The following CLTCL1 variants were observed in gnomAD, a reference collection of about 807,000 sequenced individuals.
CLTCL1 encodes clathrin heavy chain 2.
CLTCL1 carries 159 observed loss-of-function variants against 190.0 expected under a neutral mutation model. The observed-to-expected ratio is 0.84, with a 90% CI of 0.74 to 0.95. The LOEUF (loss-of-function observed/expected upper bound fraction) is 0.95. Ranked by LOEUF, CLTCL1 falls within the 40% of genes least tolerant of loss-of-function variation. The probability of loss-of-function intolerance (pLI) is 0.00; values close to 1 mark genes in which losing one functional copy is unlikely to be tolerated. For synonymous variants in CLTCL1, 752 were observed against 769.6 expected (o/e 0.98, Z 0.38); for missense variants, 1,878 against 2,033.4 (o/e 0.92, Z 1.47).
At position 19,243,697 on chromosome 22, in the gene CLTCL1, CT is replaced by C. The variant is rs1175325908; in HGVS notation, c.520-762del. Among the ~76,000 whole-genome samples, 702 of 107,886 alleles carry C rather than the reference CT, an allele frequency of 6.5e-3. 2 individuals carry two copies. The highest frequency in any genetic ancestry group is 9.0e-3 in the Non-Finnish European group (513 of 56,894). 70.8% of individuals were successfully genotyped at this position (107,886 alleles called of 152,430 possible). Reference sequence around the variant, plus strand: ...GAACTTGTATTTTCTTTCTTTCTTTCTTTTTTTTTTTTTTTTTTGTGATGGA... The same window carrying C: ...GAACTTGTATTTTCTTTCTTTCTTTCTTTTTTTTTTTTTTTTTGTGATGGA... On this transcript the variant is annotated intron_variant, in intron 3 of 32. Transcript: ENST00000427926.
intron 17 of CLTCL1, 70 bp downstream of exon 17, chr22:19,221,307 C>T: frequency 8.1e-7 from 1 of 1,232,524 alleles, no homozygotes. Flanking sequence ...CAGCTCCCCA[C>T]AGGCACACCT....
chr22:19,184,029 G>A (rs868926564), intron 29 of CLTCL1: 3 of 270,576 alleles, frequency 1.1e-5, no homozygotes, highest in Non-Finnish European at 2.2e-5. Flanking sequence ...AAACAGCAAT[G>A]TGTTTTTCTT....
At chr22:19,290,328 C>G (rs2088062705) in intron 1 of CLTCL1, among the ~76,000 whole-genome samples, 2 of 152,214 alleles carry the variant, frequency 1.3e-5, no homozygotes, top group South Asian at 4.1e-4. Flanking sequence ...CAGGATATCA[C>G]TATCTGCCTC....
At chr22:19,208,878 G>GC in intron 21 of CLTCL1, 44 bp downstream of exon 21, 1 of 1,476,700 alleles carries the variant, frequency 6.8e-7, no homozygotes, top group Non-Finnish European at 9.1e-7. Flanking sequence ...GCCAGGTTTT[G>GC]CATCAGTGAG....
At chr22:19,246,602 G>A (rs1230511742) in intron 3 of CLTCL1, among the ~76,000 whole-genome samples, 1 of 151,906 alleles carries the variant, frequency 6.6e-6, no homozygotes, top group South Asian at 2.1e-4. Flanking sequence ...TCAGCCTCCG[G>A]AGTAGCTGGG....
Position 19,291,675 on chromosome 22 carries a change from G to C in CLTCL1, c.-34C>G. 2 of 1,350,952 alleles carry C rather than the reference G, an allele frequency of 1.5e-6. No individual in the cohort carries two copies. The highest frequency in any genetic ancestry group is 1.9e-6 in the Non-Finnish European group (2 of 1,039,792). The allele number at this position is 1,350,952 out of a possible 1,614,324, so 83.7% of individuals were successfully genotyped here. On this transcript the variant is annotated 5_prime_UTR_variant, in exon 1 of 33. Coordinates refer to ENST00000427926, the MANE Select transcript of CLTCL1 (RefSeq NM_007098.4). ...CGGGACCTCGGCGGCGGCGGCGGCA[G>C]CGGCAGGAATGAACGCCGACCCCTC...
At chr22:19,285,508 A>AAG (rs2087875713) in intron 1 of CLTCL1, among the ~76,000 whole-genome samples, 1 of 152,160 alleles carries the variant, frequency 6.6e-6, no homozygotes, top group African/African-American at 2.4e-5. Context: ...ACCAGTGCAC[A>AAG]AGACTCTATA....
intron 11 of CLTCL1, among the ~76,000 whole-genome samples, chr22:19,227,811 T>C (rs1048526661): frequency 2.0e-5 from 3 of 152,168 alleles, no homozygotes; most frequent in Non-Finnish European, 4.4e-5. Flanking sequence ...TTGTCCATGC[T>C]GGTCTCAAAC....
At position 19,232,595 on chromosome 22, in the gene CLTCL1, C is replaced by CG; in HGVS notation, c.1524_1525insC (p.Gly509ArgfsTer39). On this transcript the variant is annotated frameshift_variant, in exon 10 of 33. Transcript: ENST00000427926. LOFTEE classifies it high-confidence loss of function. ...AGAAAGATCCAGTCTGGGGTGTACC[C>CG]AACCTAGAAGCAAGGGAGCACCAAT... 1 of 1,611,584 alleles carries CG rather than the reference C, an allele frequency of 6.2e-7. No individual in the cohort carries two copies. The highest frequency in any genetic ancestry group is 8.5e-7 in the Non-Finnish European group (1 of 1,178,824).
chr22:19,216,063 A>G, intron 19 of CLTCL1, 48 bp downstream of exon 19: 1 of 1,586,692 alleles, frequency 6.3e-7, no homozygotes. Context: ...TATCAAGCAG[A>G]TGTTTTGAAT....
chr22:19,202,387 G>GCCATCCACGGCACCTCCCC (rs2084914622), intron 22 of CLTCL1, among the ~76,000 whole-genome samples: 3 of 20,698 alleles, frequency 1.4e-4, no homozygotes, highest in African/African-American at 3.7e-4. Context: ...AGCACCTCCC[G>GCCATCCACGGCACCTCCCC]CACCAACCCT....
At chr22:19,201,307 T>C in intron 23 of CLTCL1, 22 bp downstream of exon 23, 1 of 1,596,758 alleles carries the variant, frequency 6.3e-7, no homozygotes, top group East Asian at 2.3e-5. Context: ...CACTCTGCCG[T>C]CTGCAGTTGC....
intron 29 of CLTCL1, chr22:19,184,407 G>T (rs1025985211): frequency 2.2e-6 from 1 of 452,286 alleles, no homozygotes; most frequent in Non-Finnish European, 4.4e-6. Flanking sequence ...TCTGAGTTCC[G>T]TTTGGGAGAC....
chr22:19,263,618 A>T (rs2087025065), intron 2 of CLTCL1, among the ~76,000 whole-genome samples: 1 of 152,032 alleles, frequency 6.6e-6, no homozygotes, highest in African/African-American at 2.4e-5. Context: ...ACAGGGTTTC[A>T]CTGTGTTAGC....
At chr22:19,193,590 G>T (rs1024880170) in intron 26 of CLTCL1, among the ~76,000 whole-genome samples, 4 of 152,254 alleles carry the variant, frequency 2.6e-5, no homozygotes, top group African/African-American at 9.6e-5. Context: ...AAAACTGAAG[G>T]CTGGGCGTGG....
intron 1 of CLTCL1, among the ~76,000 whole-genome samples, chr22:19,287,793 A>C (rs1555990975): frequency 6.6e-6 from 1 of 152,130 alleles, no homozygotes; most frequent in Non-Finnish European, 1.5e-5. Flanking sequence ...CAAGATACAC[A>C]TCTGGGGAGA....
intron 3 of CLTCL1, among the ~76,000 whole-genome samples, chr22:19,247,457 T>C (rs2086454145): frequency 6.6e-6 from 1 of 152,262 alleles, no homozygotes; most frequent in South Asian, 2.1e-4. Context: ...CATGTAACTA[T>C]GATTTATAAT....
chr22:19,193,358 G>C (rs2146263530), intron 26 of CLTCL1, among the ~76,000 whole-genome samples: 1 of 152,316 alleles, frequency 6.6e-6, no homozygotes, highest in South Asian at 2.1e-4. Flanking sequence ...ATCTCTGTTG[G>C]GCTCAGCTGC....
chr22:19,189,168 G>A (rs1313634081), intron 27 of CLTCL1, among the ~76,000 whole-genome samples: 6 of 152,182 alleles, frequency 3.9e-5, no homozygotes, highest in African/African-American at 1.4e-4. Flanking sequence ...CTCCCAAAGT[G>A]CTGGGATTAC....
Sources: allele counts gnomAD v4.1 joint callset (sites outside exome capture counted in the v4.1 genomes callset), GRCh38; gene constraint gnomAD v4.1.1; transcripts MANE v1.5; gene names NCBI Gene and HGNC (gene_info 2026-07-23, HGNC 2026-07-21).